Variants in DDX10 observed in about 807,000 individuals in gnomAD.
DDX10 encodes DEAD-box helicase 10.
A neutral mutation model predicts 104.3 loss-of-function variants in DDX10; 74 were observed. The observed-to-expected ratio is 0.71, with a 90% confidence interval of 0.59 to 0.86. DDX10 has a LOEUF of 0.86. Among genes scored for constraint, DDX10 ranks in the 40% least tolerant of loss-of-function variants. DDX10 has a pLI of 0.00. For missense variants in DDX10, 952 were observed against 1,040.0 expected (o/e 0.92, Z 1.16); for synonymous variants, 351 against 353.4 (o/e 0.99, Z 0.08).
chr11:108,882,208 T>C (rs777978152), intron 16 of DDX10, among the ~76,000 whole-genome samples: 26 of 152,182 alleles, frequency 1.7e-4, no homozygotes, highest in Non-Finnish European at 3.7e-4. Context: ...TGAAGTCATT[T>C]TCTTGCTTTC....
chr11:108,767,215 G>A (rs1429630996), intron 13 of DDX10: 1 of 152,168 alleles, frequency 6.6e-6, no homozygotes, highest in African/African-American at 2.4e-5. Flanking sequence ...TCAGCATTGG[G>A]ATTACTTGTT....
Position 108,678,442 on chromosome 11 carries a change from CA to C in DDX10, c.658+10del. ...ACCGACCTCCAAATGTTAGGTGAGT[CA>C]AATCAATTTCTAATTTAAAAAAAAA... On this transcript the variant is annotated splice_region_variant and intron_variant, in intron 5 of 17. Coordinates refer to ENST00000322536, the MANE Select transcript of DDX10 (RefSeq NM_004398.4). 1.3e-5 allele frequency: 20 copies of C among 1,546,434 alleles called. No homozygotes were observed. The highest frequency in any genetic ancestry group is 1.7e-5 in the Non-Finnish European group (20 of 1,151,446).
chr11:108,909,281 A>C (rs965230271), intron 16 of DDX10, among the ~76,000 whole-genome samples: 1 of 152,140 alleles, frequency 6.6e-6, no homozygotes, highest in Admixed American at 6.5e-5. Context: ...AGACACATTC[A>C]TATGCTGGGA....
chr11:108,747,315 A>G (rs1246824149), intron 13 of DDX10, among the ~76,000 whole-genome samples: 1 of 152,168 alleles, frequency 6.6e-6, no homozygotes, highest in East Asian at 1.9e-4. Flanking sequence ...TGCTTAACTG[A>G]TCAGTTGGTA....
chr11:108,937,959 AGTGCTG>A (rs1314872826), intron 17 of DDX10, among the ~76,000 whole-genome samples: 1 of 152,190 alleles, frequency 6.6e-6, no homozygotes, highest in African/African-American at 2.4e-5. Context: ...GTCCCACAGA[AGTGCTG>A]ACACGAAGAT....
chr11:108,754,502 A>G (rs1202115132), intron 13 of DDX10, among the ~76,000 whole-genome samples: 1 of 151,984 alleles, frequency 6.6e-6, no homozygotes, highest in African/African-American at 2.4e-5. Context: ...TTCTGTGTAT[A>G]CTTGATTTTA....
intron 13 of DDX10, among the ~76,000 whole-genome samples, chr11:108,783,551 T>C (rs1861742378): frequency 1.3e-5 from 2 of 152,156 alleles, no homozygotes; most frequent in Non-Finnish European, 2.9e-5. Context: ...ACATGTTTTA[T>C]AGCCTAAGTG....
chr11:108,899,585 C>A (rs1453457772), intron 16 of DDX10, among the ~76,000 whole-genome samples: 1 of 151,618 alleles, frequency 6.6e-6, no homozygotes, highest in African/African-American at 2.4e-5. Context: ...ACCTTTGTGT[C>A]ACCATAAAGA....
intron 1 of DDX10, among the ~76,000 whole-genome samples, chr11:108,672,226 C>T (rs1311118248): frequency 6.6e-6 from 1 of 152,114 alleles, no homozygotes; most frequent in Non-Finnish European, 1.5e-5. Flanking sequence ...TTGAGGAGCT[C>T]GCTTTGCCTG....
At chr11:108,934,738 TG>T (rs893672344) in intron 17 of DDX10, among the ~76,000 whole-genome samples, 1 of 152,194 alleles carries the variant, frequency 6.6e-6, no homozygotes, top group Admixed American at 6.5e-5. Context: ...AAGTTGTGTT[TG>T]AAAAAACAAG....
intron 16 of DDX10, among the ~76,000 whole-genome samples, chr11:108,890,532 G>T (rs1863361427): frequency 1.3e-5 from 2 of 150,288 alleles, no homozygotes; most frequent in South Asian, 2.1e-4. Flanking sequence ...CTTCAACATG[G>T]TACTTGCTGC....
At chr11:108,925,798 C>T (rs896803077) in intron 17 of DDX10, among the ~76,000 whole-genome samples, 10 of 151,912 alleles carry the variant, frequency 6.6e-5, no homozygotes, top group African/African-American at 1.9e-4. Flanking sequence ...TTTTAAAGAT[C>T]GTACCCATGC....
chr11:108,704,722 C>T (rs2094273462), intron 9 of DDX10, among the ~76,000 whole-genome samples: 1 of 152,140 alleles, frequency 6.6e-6, no homozygotes, highest in Non-Finnish European at 1.5e-5. Flanking sequence ...TGTTAAAATA[C>T]TATGAGGAAG....
At chr11:108,802,635 A>G (rs925609760) in intron 13 of DDX10, among the ~76,000 whole-genome samples, 2 of 152,114 alleles carry the variant, frequency 1.3e-5, no homozygotes, top group African/African-American at 4.8e-5. Flanking sequence ...AGACTGTGTT[A>G]TCTAAAACAA....
chr11:108,887,261 TC>T (rs1863309452), intron 16 of DDX10, among the ~76,000 whole-genome samples: 1 of 152,154 alleles, frequency 6.6e-6, no homozygotes, highest in Admixed American at 6.5e-5. Flanking sequence ...AATGTGATAG[TC>T]AAGGCTATTA....
intron 13 of DDX10, among the ~76,000 whole-genome samples, chr11:108,752,136 A>G (rs1003823118): frequency 9.9e-5 from 15 of 152,148 alleles, no homozygotes; most frequent in African/African-American, 3.1e-4. Flanking sequence ...TGTGGTAAGA[A>G]CAAGGTACTG....
intron 13 of DDX10, among the ~76,000 whole-genome samples, chr11:108,770,943 TTG>T (rs1230257920): frequency 6.6e-6 from 1 of 151,550 alleles, no homozygotes; most frequent in African/African-American, 2.4e-5. Flanking sequence ...TCCAGAGTGG[TTG>T]TGCTAATTTA....
intron 16 of DDX10, among the ~76,000 whole-genome samples, chr11:108,905,480 A>T (rs547513435): frequency 6.6e-6 from 1 of 152,238 alleles, no homozygotes; most frequent in African/African-American, 2.4e-5. Context: ...CATACAGTAC[A>T]ATTCACTGTT....
intron 16 of DDX10, among the ~76,000 whole-genome samples, chr11:108,881,577 C>T (rs1271629153): frequency 6.6e-6 from 1 of 152,066 alleles, no homozygotes; most frequent in Non-Finnish European, 1.5e-5. Context: ...CTTTGAGTAC[C>T]CATACAACCC....
Sources: allele counts gnomAD v4.1 joint callset (sites outside exome capture counted in the v4.1 genomes callset), GRCh38; gene constraint gnomAD v4.1.1; transcripts MANE v1.5; gene names NCBI Gene and HGNC (gene_info 2026-07-23, HGNC 2026-07-21).